Variants in SPAG16 observed in about 807,000 individuals in gnomAD.
SPAG16 encodes sperm-associated antigen 16 protein.
Under a neutral mutation model 80.4 loss-of-function variants are expected in SPAG16, and 86 were observed. The ratio of observed to expected loss-of-function variants is 1.07; its 90% CI spans 0.90 to 1.28. The LOEUF (loss-of-function observed/expected upper bound fraction) is 1.28. Among genes scored for constraint, SPAG16 ranks in the 50% most tolerant of loss-of-function variants. The probability of loss-of-function intolerance (pLI) is 0.00; values close to 1 mark genes in which losing one functional copy is unlikely to be tolerated. For missense variants in SPAG16, 870 were observed against 765.3 expected, an observed-to-expected ratio of 1.14 and a Z score of -1.61; for synonymous variants, 294 against 265.9, an observed-to-expected ratio of 1.11 and a Z score of -1.03.
intron 15 of SPAG16, among the ~76,000 whole-genome samples, chr2:214,221,134 A>C (rs117057558): frequency 6.6e-6 from 1 of 152,218 alleles, no homozygotes; most frequent in Admixed American, 6.5e-5. Flanking sequence ...CAGGTTCTTT[A>C]GAAGTTTAAC....
intron 10 of SPAG16, among the ~76,000 whole-genome samples, chr2:213,805,131 C>T (rs2071687575): frequency 6.6e-6 from 1 of 152,050 alleles, no homozygotes; most frequent in South Asian, 2.1e-4. Flanking sequence ...GGAGTTGGAA[C>T]TCAAGCTCAG....
At chr2:213,473,053 A>G (rs115756890) in intron 9 of SPAG16, among the ~76,000 whole-genome samples, 2,939 of 152,260 alleles carry the variant, frequency 0.019, 97 homozygotes, top group African/African-American at 0.066. Context: ...CTGAGGGGCC[A>G]TGATTCTCTG....
chr2:213,953,692 A>G (rs1387755555), intron 12 of SPAG16, among the ~76,000 whole-genome samples: 1 of 151,948 alleles, frequency 6.6e-6, no homozygotes, highest in East Asian at 1.9e-4. Context: ...TTTACTATGT[A>G]AAGTATTAAC....
At chr2:213,324,273 A>C (rs113474128) in intron 5 of SPAG16, among the ~76,000 whole-genome samples, 2,116 of 152,032 alleles carry the variant, frequency 0.014, 44 homozygotes, top group African/African-American at 0.047. Context: ...ATAATATATA[A>C]TTTTTACAGT....
At chr2:213,937,741 G>C (rs1228813815) in intron 12 of SPAG16, among the ~76,000 whole-genome samples, 1 of 151,970 alleles carries the variant, frequency 6.6e-6, no homozygotes, top group Non-Finnish European at 1.5e-5. Context: ...CCAAAGTTCA[G>C]ATTTCATTTA....
intron 10 of SPAG16, among the ~76,000 whole-genome samples, chr2:213,740,658 A>G (rs2067506161): frequency 6.6e-6 from 1 of 152,238 alleles, no homozygotes; most frequent in African/African-American, 2.4e-5. Context: ...GGGCATATAC[A>G]CTGTGTAAAG....
intron 10 of SPAG16, among the ~76,000 whole-genome samples, chr2:213,625,263 G>A (rs1052954054): frequency 1.3e-5 from 2 of 152,058 alleles, no homozygotes; most frequent in Non-Finnish European, 2.9e-5. Flanking sequence ...CTTCTGAAGA[G>A]GCCTCAGGAA....
chr2:214,226,701 C>A (rs1251864484), intron 15 of SPAG16, among the ~76,000 whole-genome samples: 3 of 152,022 alleles, frequency 2.0e-5, no homozygotes, highest in African/African-American at 7.2e-5. Flanking sequence ...AATAGGATCA[C>A]ACAAGATCAC....
At chr2:214,151,887 A>T (rs1012044932) in intron 15 of SPAG16, among the ~76,000 whole-genome samples, 1 of 152,206 alleles carries the variant, frequency 6.6e-6, no homozygotes, top group Non-Finnish European at 1.5e-5. Context: ...GAGATATTTC[A>T]TATAAGGAAT....
At chr2:213,544,696 C>T (rs981520848) in intron 10 of SPAG16, among the ~76,000 whole-genome samples, 5 of 151,948 alleles carry the variant, frequency 3.3e-5, no homozygotes, top group African/African-American at 1.2e-4. Flanking sequence ...CCCCTCGTAC[C>T]CCTGGCAAAC....
chr2:213,844,579 A>T (rs2074518506), intron 10 of SPAG16, among the ~76,000 whole-genome samples: 1 of 152,218 alleles, frequency 6.6e-6, no homozygotes, highest in Admixed American at 6.5e-5. Context: ...TTATAAATCT[A>T]ACGACACAGA....
intron 12 of SPAG16, among the ~76,000 whole-genome samples, chr2:213,961,702 A>C (rs1003025170): frequency 2.0e-5 from 3 of 151,912 alleles, no homozygotes; most frequent in Non-Finnish European, 4.4e-5. Context: ...TTAATTATTA[A>C]CACATCCTTG....
chr2:213,293,110 G>A (rs2062361753), intron 1 of SPAG16, among the ~76,000 whole-genome samples: 1 of 152,130 alleles, frequency 6.6e-6, no homozygotes, highest in Non-Finnish European at 1.5e-5. Flanking sequence ...GATAATGAGT[G>A]AGTATCGCAA....
chr2:214,304,131 T>A (rs546046798), intron 15 of SPAG16, among the ~76,000 whole-genome samples: 17 of 152,324 alleles, frequency 1.1e-4, no homozygotes, highest in African/African-American at 4.1e-4. Context: ...GTTCCTATGT[T>A]ACTTTGCTAA....
intron 15 of SPAG16, among the ~76,000 whole-genome samples, chr2:214,249,041 T>C (rs1416468274): frequency 6.6e-6 from 1 of 152,124 alleles, no homozygotes; most frequent in Non-Finnish European, 1.5e-5. Context: ...GTAAGTATTT[T>C]CAGAATTGAA....
chr2:213,297,877 A>G (rs1332381549), intron 3 of SPAG16, among the ~76,000 whole-genome samples: 21 of 152,168 alleles, frequency 1.4e-4, no homozygotes, highest in Admixed American at 2.6e-4. Context: ...TTGAAAACTC[A>G]TTAAAATTGT....
intron 13 of SPAG16, among the ~76,000 whole-genome samples, chr2:214,102,719 A>C (rs910134219): frequency 1.3e-5 from 2 of 152,116 alleles, no homozygotes; most frequent in African/African-American, 2.4e-5. Context: ...TCTGGAGCAA[A>C]TTCAGCCTTT....
At chr2:213,944,060 T>C (rs544064885) in intron 12 of SPAG16, among the ~76,000 whole-genome samples, 1 of 152,310 alleles carries the variant, frequency 6.6e-6, no homozygotes, top group African/African-American at 2.4e-5. Flanking sequence ...GCTGCCACTC[T>C]CACCAAAGGT....
intron 10 of SPAG16, among the ~76,000 whole-genome samples, chr2:213,715,250 A>ATCTG (rs2066184910): frequency 6.7e-6 from 1 of 149,886 alleles, no homozygotes; most frequent in South Asian, 2.2e-4. Context: ...CTATCTATCT[A>ATCTG]TCTATCTATC....
Sources: allele counts gnomAD v4.1 joint callset (sites outside exome capture counted in the v4.1 genomes callset), GRCh38; gene constraint gnomAD v4.1.1; transcripts MANE v1.5; gene names NCBI Gene and HGNC (gene_info 2026-07-23, HGNC 2026-07-21).